SEPTIN3: variants seen among roughly 807,000 people sequenced by gnomAD.
The protein encoded by SEPTIN3 is neuronal-specific septin-3.
SEPTIN3 carries 15 observed loss-of-function variants against 45.1 expected under a neutral mutation model. That is an observed-to-expected ratio of 0.33 (90% confidence interval 0.22 to 0.51). SEPTIN3 has a LOEUF of 0.51. Among genes scored for constraint, SEPTIN3 ranks in the 20% least tolerant of loss-of-function variants. The pLI, the probability that SEPTIN3 is intolerant of heterozygous loss-of-function variation, is 0.97. For missense variants in SEPTIN3, 289 were observed against 457.2 expected, an observed-to-expected ratio of 0.63 and a Z score of 3.35; for synonymous variants, 148 against 164.8, an observed-to-expected ratio of 0.90 and a Z score of 0.78.
Position 41,994,596 on chromosome 22 carries a change from C to T in SEPTIN3, c.2412-25C>T. On this transcript the variant is annotated intron_variant, in intron 10 of 11. Coordinates refer to ENST00000644076, the MANE Select transcript of SEPTIN3 (RefSeq NM_001363845.2). The surrounding 1 kb of genome is among the most constrained non-coding windows in gnomAD (Gnocchi z 4.2). ...TCTTCCTGCCCCTAATTGCAGCCCT[C>T]TTCTTCTCACCCTGTGTCCTCTAGG... 1 of 1,613,744 alleles carries T rather than the reference C, an allele frequency of 6.2e-7. No homozygotes were observed. The highest frequency in any genetic ancestry group is 8.5e-7 in the Non-Finnish European group (1 of 1,179,834).
intron 8 of SEPTIN3, among the ~76,000 whole-genome samples, chr22:41,992,325 G>C (rs1569440832): frequency 6.6e-6 from 1 of 152,236 alleles, no homozygotes; most frequent in African/African-American, 2.4e-5. Context: ...GTTGCAGTGA[G>C]TTGAAATTGT....
At chr22:41,985,713 T>C (rs2078195182) in intron 3 of SEPTIN3, 4 of 308,358 alleles carry the variant, frequency 1.3e-5, no homozygotes, top group Non-Finnish European at 2.5e-5. Flanking sequence ...ACTAGACATA[T>C]GCAGAGGTTG....
At chr22:41,992,375 T>A (rs1052991678) in intron 8 of SEPTIN3, among the ~76,000 whole-genome samples, 1 of 152,158 alleles carries the variant, frequency 6.6e-6, no homozygotes, top group African/African-American at 2.4e-5. Flanking sequence ...GCGAACTCTG[T>A]CTCAAAAAAG....
rs139363719 is a variant in SEPTIN3, at chr22:41,972,903, A to G, written c.1411A>G (p.Ser471Gly). 2 of 399,282 alleles carry G rather than the reference A, an allele frequency of 5.0e-6. No homozygotes were observed. Among genetic ancestry groups the G allele is most frequent in the African/African-American group, 2.1e-5 (1 of 48,774 alleles). 24.7% of individuals were successfully genotyped at this position (399,282 alleles called of 1,614,324 possible). A position where few individuals can be genotyped will look rare whatever the true frequency, so the allele number is the denominator to read the frequency against. The change falls in exon 2 of 12, where the codon AGC (serine) becomes GGC (glycine). Residue 471 changes from serine to glycine, a missense_variant. Ser to Gly is a moderately conservative substitution (Grantham distance 56, BLOSUM62 0). This residue lies in a region of SEPTIN3 where 200 missense variants were observed against 315.1 expected (regional missense o/e 0.63). Transcript: ENST00000644076. ...SDVATCLLMPSRSTDLALDNT... is the reference protein window; with the variant it reads ...SDVATCLLMPGRSTDLALDNT... Reference sequence around the variant, plus strand: ...CGTTGCTACATGCCTGCTAATGCCAAGCAGATCCACAGACCTAGCCCTGGA... The same window carrying G: ...CGTTGCTACATGCCTGCTAATGCCAGGCAGATCCACAGACCTAGCCCTGGA...
At chr22:41,970,792 C>G (rs2077950895) in intron 1 of SEPTIN3, among the ~76,000 whole-genome samples, 2 of 152,218 alleles carry the variant, frequency 1.3e-5, no homozygotes, top group African/African-American at 2.4e-5. Flanking sequence ...GGCATGGCAG[C>G]CTCTTCAAGG....
Position 41,994,568 on chromosome 22 carries a change from T to C in SEPTIN3, c.2412-53T>C. 1 of 1,611,338 alleles carries C rather than the reference T, an allele frequency of 6.2e-7. No individual in the cohort carries two copies. Among genetic ancestry groups the C allele is most frequent in the Non-Finnish European group, 8.5e-7 (1 of 1,178,572 alleles). On this transcript the variant is annotated intron_variant, in intron 10 of 11. Transcript: ENST00000644076. The surrounding 1 kb of genome is among the most constrained non-coding windows in gnomAD (Gnocchi z 4.2). ...CCTCGAAGTGATGTGTGTCACCGCC[T>C]CCTCTTCCTGCCCCTAATTGCAGCC...
intron 11 of SEPTIN3, chr22:41,996,481 A>G: frequency 1.0e-6 from 1 of 993,738 alleles, no homozygotes; most frequent in Non-Finnish European, 1.2e-6. Context: ...AAAAAAACAT[A>G]GACTCAAGAC....
intron 7 of SEPTIN3, among the ~76,000 whole-genome samples, chr22:41,990,519 G>T (rs1476596901): frequency 6.7e-6 from 1 of 150,158 alleles, no homozygotes. Context: ...GCAGAGGCGG[G>T]TGAATCACGA....
chr22:41,990,102 G>A (rs1328136611), intron 7 of SEPTIN3, among the ~76,000 whole-genome samples: 4 of 150,934 alleles, frequency 2.7e-5, no homozygotes, highest in Admixed American at 6.6e-5. Context: ...GTGCAGTGGC[G>A]TGATCTCGGC....
chr22:41,990,751 A>C (rs2048887159), intron 7 of SEPTIN3, among the ~76,000 whole-genome samples: 1 of 51,588 alleles, frequency 1.9e-5, no homozygotes, highest in Non-Finnish European at 5.4e-5. Context: ...ATCTCAAAAA[A>C]AAAAAAAAAA....
chr22:41,989,291 C>T (rs1311916036), intron 6 of SEPTIN3, among the ~76,000 whole-genome samples: 1 of 152,050 alleles, frequency 6.6e-6, no homozygotes, highest in Non-Finnish European at 1.5e-5. Flanking sequence ...AAAGAAATCC[C>T]TGAGTCAGAA....
At chr22:41,988,186 G>T (rs1045975304) in intron 6 of SEPTIN3, among the ~76,000 whole-genome samples, 1 of 152,140 alleles carries the variant, frequency 6.6e-6, no homozygotes, top group African/African-American at 2.4e-5. Context: ...GTGTTTGGAG[G>T]GTAGGGACCC....
chr22:41,976,860 C>G lies in SEPTIN3; in HGVS notation c.1504+3864C>G, dbSNP rs1331253603. 10 of 157,926 alleles carry G rather than the reference C, an allele frequency of 6.3e-5. No homozygotes were observed. Among genetic ancestry groups the G allele is most frequent in the Non-Finnish European group, 9.2e-5 (7 of 76,034 alleles). 9.8% of individuals were successfully genotyped at this position (157,926 alleles called of 1,614,324 possible). On this transcript the variant is annotated intron_variant, in intron 2 of 11. Coordinates refer to ENST00000644076, the MANE Select transcript of SEPTIN3 (RefSeq NM_001363845.2). The surrounding 1 kb of genome is among the most constrained non-coding windows in gnomAD (Gnocchi z 5.8). ...AGGGGCGGCGCGGCGCCGAGCGAGC[C>G]GAGGCGAGGTCCCGGGGAGGGCGCG...
At chr22:41,985,125 T>C (rs979791881) in intron 3 of SEPTIN3, among the ~76,000 whole-genome samples, 2 of 152,210 alleles carry the variant, frequency 1.3e-5, no homozygotes, top group African/African-American at 4.8e-5. Flanking sequence ...CCCAAAGTGC[T>C]GGGATTACAG....
At chr22:41,980,129 CTTTTTTTTTTTTTT>C (rs569424612) in intron 2 of SEPTIN3, among the ~76,000 whole-genome samples, 15 of 103,408 alleles carry the variant, frequency 1.5e-4, no homozygotes, top group South Asian at 8.4e-4. Flanking sequence ...TGCTCAGTGC[CTTTTTTTTTTTTTT>C]TTTTTTTTTT....
At chr22:41,974,209 G>A (rs2077990520) in intron 2 of SEPTIN3, among the ~76,000 whole-genome samples, 1 of 151,892 alleles carries the variant, frequency 6.6e-6, no homozygotes, top group African/African-American at 2.4e-5. Flanking sequence ...CAATTATGGT[G>A]AGTCCTCCTT....
intron 11 of SEPTIN3, chr22:41,996,215 C>A (rs2078434757): frequency 1.0e-6 from 1 of 985,052 alleles, no homozygotes; most frequent in African/African-American, 1.7e-5. Context: ...CCCTGAAGCC[C>A]TGTATTTATT....
chr22:41,972,149 A>G lies in SEPTIN3; in HGVS notation c.657A>G (p.Ser219=), dbSNP rs1255165815. The G allele has an allele frequency of 5.0e-6, 2 of 399,100 alleles. No individual in the cohort carries two copies. The highest frequency in any genetic ancestry group is 8.8e-5 in the Admixed American group (2 of 22,732). 24.7% of individuals were successfully genotyped at this position (399,100 alleles called of 1,614,324 possible). ...PGSLGQGHLV[S]VTDHMPTRAS... is the part of the protein sequence containing the mutation. ...CGTTGGGCCAGGGGCACCTTGTCTC[A>G]GTGACTGACCACATGCCTACCAGAG... The change falls in exon 2 of 12, where the codon TCA becomes TCG. Residue 219 remains serine, a synonymous_variant. Coordinates refer to ENST00000644076, the MANE Select transcript of SEPTIN3 (RefSeq NM_001363845.2).
Position 41,997,086 on chromosome 22 carries a change from T to C in SEPTIN3, c.*119T>C, listed in dbSNP as rs2078454975. ...CACCACAGCCCCTCTCAGCCCTCAG[T>C]AGGTGGGAGGGGCCAGCTGCCTCTT... is the stretch of plus-strand genomic sequence containing the variant. On this transcript the variant is annotated 3_prime_UTR_variant, in exon 12 of 12. Transcript: ENST00000644076. The C allele has an allele frequency of 3.9e-6, 6 of 1,554,716 alleles. No homozygotes were observed. In the South Asian group the frequency reaches 5.9e-5, roughly 15 times the overall value.
Sources: allele counts gnomAD v4.1 joint callset (sites outside exome capture counted in the v4.1 genomes callset), GRCh38; gene constraint gnomAD v4.1.1; regional missense constraint gnomAD v4.1.1; non-coding constraint Gnocchi (gnomAD v3.1); transcripts MANE v1.5; gene names NCBI Gene and HGNC (gene_info 2026-07-23, HGNC 2026-07-21).